The following CHST13 variants were observed in gnomAD, a reference collection of about 807,000 sequenced individuals.
CHST13 encodes the protein carbohydrate sulfotransferase 13.
A neutral mutation model predicts 7.0 loss-of-function variants in CHST13; 1 was observed. That is an observed-to-expected ratio of 0.14 (90% CI 0.05 to 0.68). The LOEUF (loss-of-function observed/expected upper bound fraction) is 0.68, where lower values mean the gene tolerates loss of function less well. Among genes scored for constraint, CHST13 ranks in the 30% least tolerant of loss-of-function variants. The pLI is 0.82. For missense variants in CHST13, 572 were observed against 507.9 expected (o/e 1.13, Z -1.21); for synonymous variants, 257 against 240.9 (o/e 1.07, Z -0.62).
At chr3:126,535,905 C>A (rs1936779735) in intron 1 of CHST13, among the ~76,000 whole-genome samples, 1 of 152,224 alleles carries the variant, frequency 6.6e-6, no homozygotes. Flanking sequence ...TGGTGAACCC[C>A]ACAAGGGTTG....
chr3:126,540,147 GGC>G (rs1233282397), intron 2 of CHST13, among the ~76,000 whole-genome samples: 1 of 151,966 alleles, frequency 6.6e-6, no homozygotes, highest in Non-Finnish European at 1.5e-5. Context: ...CTCCCAAGCA[GGC>G]CCTGGCTCTG....
Position 126,542,376 on chromosome 3 carries a change from C to T in CHST13, c.824C>T (p.Ala275Val). ...GKFETLAEDA[A>V]FVLGLAGASD... ...TTCGAGACGCTGGCGGAGGACGCGG[C>T]CTTCGTGCTGGGCCTGGCGGGCGCA... Residue 275 changes from alanine to valine, a missense_variant, in exon 3 of 3, where the codon GCC becomes GTC. Transcript: ENST00000319340. 6.4e-7 allele frequency: 1 copy of T among 1,560,308 alleles called. No homozygotes were observed. Among genetic ancestry groups the T allele is most frequent in the Non-Finnish European group, 8.7e-7 (1 of 1,154,656 alleles).
chr3:126,529,663 T>G (rs1576746775), intron 1 of CHST13, among the ~76,000 whole-genome samples: 1 of 152,180 alleles, frequency 6.6e-6, no homozygotes, highest in African/African-American at 2.4e-5. Context: ...TCTCCTTCTG[T>G]CTCTTCCTTC....
At chr3:126,539,194 G>A (rs1367680357) in intron 2 of CHST13, among the ~76,000 whole-genome samples, 1 of 152,172 alleles carries the variant, frequency 6.6e-6, no homozygotes, top group Non-Finnish European at 1.5e-5. Context: ...TCCCACCTGG[G>A]ATGACTGCGA....
rs1480941888 is a variant in CHST13 at position 126,524,181 on chromosome 3, T to G, written c.-152T>G. 1 of 450,800 alleles carries G rather than the reference T, an allele frequency of 2.2e-6. No homozygotes were observed. The highest frequency in any genetic ancestry group is 4.7e-5 in the Admixed American group (1 of 21,066). 27.9% of individuals were successfully genotyped at this position (450,800 alleles called of 1,614,324 possible). A position where few individuals can be genotyped will look rare whatever the true frequency, so the allele number is the denominator to read the frequency against. On this transcript the variant is annotated 5_prime_UTR_variant, in exon 1 of 3. Transcript: ENST00000319340. ...GTCCCCAGCGACTCGCAGGGGCTGG[T>G]GGGGCTGGGGTCCAGCTGCCGTGCT...
Position 126,542,612 on chromosome 3 carries a change from G to A in CHST13, c.*34G>A. 2 of 1,438,722 alleles carry A rather than the reference G, an allele frequency of 1.4e-6. No homozygotes were observed. Among genetic ancestry groups the A allele is most frequent in the Non-Finnish European group, 1.8e-6 (2 of 1,096,900 alleles). The allele number at this position is 1,438,722 out of a possible 1,614,324, so 89.1% of individuals were successfully genotyped here. A position where few individuals can be genotyped will look rare whatever the true frequency, so the allele number is the denominator to read the frequency against. ...GAGGTCCTGTGGCCACGCGGGGCAA[G>A]TGCCTTTCCGACAAGACCCCCGGGG... On this transcript the variant is annotated 3_prime_UTR_variant, in exon 3 of 3. Transcript: ENST00000319340.
chr3:126,542,772 G>A lies in CHST13; in HGVS notation c.*194G>A. The A allele has an allele frequency of 1.3e-6, 1 of 766,458 alleles. No individual in the cohort carries two copies. Among genetic ancestry groups the A allele is most frequent in the Non-Finnish European group, 1.8e-6 (1 of 546,874 alleles). 47.5% of individuals were successfully genotyped at this position (766,458 alleles called of 1,614,324 possible). On this transcript the variant is annotated 3_prime_UTR_variant, in exon 3 of 3. Coordinates refer to ENST00000319340, the MANE Select transcript of CHST13 (RefSeq NM_152889.3). Reference sequence around the variant, plus strand: ...CCATCTCAGGTGGCCCTGCACGCGTGTGCCTGCCTCGGCCTGTCGCCTGAG... The same window carrying A: ...CCATCTCAGGTGGCCCTGCACGCGTATGCCTGCCTCGGCCTGTCGCCTGAG...
In CHST13 at chr3:126,528,680, G is replaced by T. The variant is rs933179181; in HGVS notation, c.97+4251G>T. 1.4e-4 allele frequency among the ~76,000 whole-genome samples: 21 copies of T among 152,322 alleles called. No individual in the cohort carries two copies. The East Asian group carries it at 4.1e-3, about 29-fold the overall frequency. On this transcript the variant is annotated intron_variant, in intron 1 of 2. Transcript: ENST00000319340. Reference sequence around the variant, plus strand: ...AGGGTTCTGGAGGCACAGCCGACAGGACTGTGCTCAAGGGGGATCTGGGCA... The same window carrying T: ...AGGGTTCTGGAGGCACAGCCGACAGTACTGTGCTCAAGGGGGATCTGGGCA...
Position 126,542,822 on chromosome 3 carries a change from C to G in CHST13, c.*244C>G. ...GGCCTGCTTCCTCCACTTGCTCCAG[C>G]TGACAGGCACCTCTCCAGGCCCCGT... On this transcript the variant is annotated 3_prime_UTR_variant, in exon 3 of 3. Transcript: ENST00000319340. The G allele has an allele frequency of 2.3e-6, 1 of 437,582 alleles. No homozygotes were observed. Among genetic ancestry groups the G allele is most frequent in the Non-Finnish European group, 3.9e-6 (1 of 259,504 alleles). 27.1% of individuals were successfully genotyped at this position (437,582 alleles called of 1,614,324 possible).
intron 2 of CHST13, among the ~76,000 whole-genome samples, chr3:126,538,374 C>T (rs1351699852): frequency 6.6e-6 from 1 of 152,218 alleles, no homozygotes; most frequent in Non-Finnish European, 1.5e-5. Context: ...TAAGGGTTTC[C>T]CCTGACTTTT....
intron 1 of CHST13, chr3:126,527,550 C>A (rs977899420): frequency 6.6e-6 from 1 of 152,366 alleles, no homozygotes; most frequent in Non-Finnish European, 1.5e-5. Flanking sequence ...CTCAAGTGCC[C>A]GTCTCTGAGC....
chr3:126,525,336 G>A (rs1213138927), intron 1 of CHST13, among the ~76,000 whole-genome samples: 2 of 152,168 alleles, frequency 1.3e-5, no homozygotes, highest in African/African-American at 4.8e-5. Context: ...TAGGTCCAGG[G>A]TGGGCGGGGA....
chr3:126,539,722 CCCCCACACCACACACACA>C (rs1398624882), intron 2 of CHST13, among the ~76,000 whole-genome samples: 5 of 108,014 alleles, frequency 4.6e-5, no homozygotes, highest in Non-Finnish European at 9.6e-5. Flanking sequence ...CCACACACAC[CCCCCACACCACACACACA>C]CCCCACACCA....
chr3:126,530,217 G>A lies in CHST13; in HGVS notation c.97+5788G>A, dbSNP rs953662811. Reference sequence around the variant, plus strand: ...AGGCAGGGTGGGGCTGGATGGAGGCGGCCCAGCCCTGTAATCACTGGCCAC... The same window carrying A: ...AGGCAGGGTGGGGCTGGATGGAGGCAGCCCAGCCCTGTAATCACTGGCCAC... On this transcript the variant is annotated intron_variant, in intron 1 of 2. Coordinates refer to ENST00000319340, the MANE Select transcript of CHST13 (RefSeq NM_152889.3). Among the ~76,000 whole-genome samples the A allele has an allele frequency of 1.3e-3, 193 of 152,364 alleles. 2 individuals are homozygous for A. The highest frequency in any genetic ancestry group is 6.6e-4 in the Non-Finnish European group (45 of 68,022).
At chr3:126,540,842 C>A (rs1936942850) in intron 2 of CHST13, among the ~76,000 whole-genome samples, 1 of 152,252 alleles carries the variant, frequency 6.6e-6, no homozygotes, top group Non-Finnish European at 1.5e-5. Context: ...CGTGAAAGCT[C>A]CAGTTTCTCC....
chr3:126,543,105 G>T lies in CHST13; in HGVS notation c.*527G>T, dbSNP rs1252984415. ...GGGAGCTGCCTTCCACTGCCATCGG[G>T]TCTCCTCTCCTCTCCCACGCGGCTG... On this transcript the variant is annotated 3_prime_UTR_variant, in exon 3 of 3. Transcript: ENST00000319340. 1 of 152,282 alleles carries T rather than the reference G, an allele frequency of 6.6e-6. No homozygotes were observed. The highest frequency in any genetic ancestry group is 6.5e-5 in the Admixed American group (1 of 15,288). The allele number at this position is 152,282 out of a possible 1,614,324, so 9.4% of individuals were successfully genotyped here. A position where few individuals can be genotyped will look rare whatever the true frequency, so the allele number is the denominator to read the frequency against.
At chr3:126,536,227 G>T (rs370113692) in intron 1 of CHST13, 44 bp from the exon 2 acceptor site, 5 of 1,566,002 alleles carry the variant, frequency 3.2e-6, no homozygotes, top group African/African-American at 2.7e-5. Context: ...GTCCATGCAA[G>T]TCCCTCTGAT....
At chr3:126,525,358 G>T (rs1431900384) in intron 1 of CHST13, among the ~76,000 whole-genome samples, 1 of 152,162 alleles carries the variant, frequency 6.6e-6, no homozygotes, top group African/African-American at 2.4e-5. Flanking sequence ...GTTGGGCAGT[G>T]GGGGTGGGAG....
intron 2 of CHST13, among the ~76,000 whole-genome samples, chr3:126,539,797 ACAC>A (rs150955130): frequency 0.18 from 10,318 of 58,200 alleles, 1,246 homozygotes; most frequent in African/African-American, 0.21. Context: ...CACACCACAG[ACAC>A]CACACCACAC....
Sources: gnomAD v4.1 joint callset for allele counts (sites outside exome capture counted in the v4.1 genomes callset) on GRCh38, gnomAD v4.1.1 for gene constraint, MANE v1.5 for transcripts, NCBI Gene and HGNC (gene_info 2026-07-23, HGNC 2026-07-21) for gene names.